ELMO1: variants seen among roughly 807,000 people sequenced by gnomAD.
ELMO1 encodes the protein engulfment and cell motility protein 1.
A neutral mutation model predicts 98.9 loss-of-function variants in ELMO1; 26 were observed. That is an observed-to-expected ratio of 0.26 (90% CI 0.19 to 0.36). ELMO1 has a LOEUF of 0.36. Ranked by LOEUF, ELMO1 falls within the 10% of genes least tolerant of loss-of-function variation. ELMO1 has a pLI of 1.00. For synonymous variants in ELMO1, 346 were observed against 346.0 expected, an observed-to-expected ratio of 1.00 and a Z score of 0.00; for missense variants, 627 against 935.2, an observed-to-expected ratio of 0.67 and a Z score of 4.30.
At chr7:37,403,515 C>G (rs562972541) in intron 1 of ELMO1, among the ~76,000 whole-genome samples, 86 of 152,200 alleles carry the variant, frequency 5.7e-4, no homozygotes, top group Middle Eastern at 3.4e-3. Context: ...GTAACAGTAG[C>G]TACATGACAC....
At chr7:36,859,428 G>A (rs868632752) in intron 21 of ELMO1, among the ~76,000 whole-genome samples, 3 of 152,194 alleles carry the variant, frequency 2.0e-5, no homozygotes, top group Non-Finnish European at 2.9e-5. Context: ...GCTGGGTGAT[G>A]GTGGAAGAGT....
intron 14 of ELMO1, among the ~76,000 whole-genome samples, chr7:37,101,246 A>G (rs1025742796): frequency 2.6e-5 from 4 of 152,216 alleles, no homozygotes; most frequent in Non-Finnish European, 4.4e-5. Context: ...AGAATGCAAG[A>G]TAAAAAGTCC....
At chr7:36,981,336 A>G (rs568279730) in intron 16 of ELMO1, among the ~76,000 whole-genome samples, 1 of 152,000 alleles carries the variant, frequency 6.6e-6, no homozygotes, top group African/African-American at 2.4e-5. Context: ...GAAGAGACTG[A>G]TTACTTTTTC....
chr7:36,944,521 T>C (rs187344292), intron 16 of ELMO1, among the ~76,000 whole-genome samples: 141 of 152,354 alleles, frequency 9.3e-4, no homozygotes, highest in African/African-American at 3.2e-3. Flanking sequence ...TAGCAAAAGA[T>C]GATTCATTAT....
At chr7:37,223,767 C>T (rs1793721852) in intron 9 of ELMO1, among the ~76,000 whole-genome samples, 1 of 152,212 alleles carries the variant, frequency 6.6e-6, no homozygotes, top group African/African-American at 2.4e-5. Flanking sequence ...GAGGCCACCA[C>T]AATCCTCAGC....
Position 36,861,927 on chromosome 7 carries a change from G to A in ELMO1, c.1906-191C>T, listed in dbSNP as rs533315967. On this transcript the variant is annotated intron_variant, in intron 20 of 21. Coordinates refer to ENST00000310758, the MANE Select transcript of ELMO1 (RefSeq NM_014800.11). ...ATGATTCCTTCTCTCCATTCACGGC[G>A]GTCTGTGAACTATCTCATTTAATTC... 8.4e-5 allele frequency: 51 copies of A among 606,694 alleles called. 1 individual carries two copies. The highest frequency in any genetic ancestry group is 7.4e-4 in the South Asian group (38 of 51,376). The allele number at this position is 606,694 out of a possible 1,614,324, so 37.6% of individuals were successfully genotyped here.
chr7:37,343,992 T>C (rs983332856), intron 1 of ELMO1, among the ~76,000 whole-genome samples: 1 of 151,866 alleles, frequency 6.6e-6, no homozygotes, highest in Non-Finnish European at 1.5e-5. Flanking sequence ...AATACAAAAA[T>C]ACATTATTAC....
At chr7:37,229,723 G>A (rs1049076208) in intron 8 of ELMO1, among the ~76,000 whole-genome samples, 1 of 152,168 alleles carries the variant, frequency 6.6e-6, no homozygotes, top group Non-Finnish European at 1.5e-5. Flanking sequence ...AGAAAAGTAA[G>A]TAATTTTCTG....
chr7:36,922,563 C>T (rs1299712538), intron 16 of ELMO1, among the ~76,000 whole-genome samples: 1 of 151,826 alleles, frequency 6.6e-6, no homozygotes, highest in African/African-American at 2.4e-5. Flanking sequence ...AGAAACCTTC[C>T]CAAAGATGAC....
intron 6 of ELMO1, among the ~76,000 whole-genome samples, chr7:37,250,164 C>G (rs570396256): frequency 2.0e-5 from 3 of 152,284 alleles, no homozygotes; most frequent in African/African-American, 7.2e-5. Flanking sequence ...AAATAGTTCA[C>G]TGTACTATGC....
At chr7:36,999,036 G>A (rs1047090409) in intron 16 of ELMO1, among the ~76,000 whole-genome samples, 16 of 151,988 alleles carry the variant, frequency 1.1e-4, no homozygotes, top group Non-Finnish European at 1.9e-4. Context: ...AAATGATAAC[G>A]GACAGAGCCC....
chr7:37,337,067 T>G (rs181745035), intron 2 of ELMO1, among the ~76,000 whole-genome samples: 9 of 152,296 alleles, frequency 5.9e-5, no homozygotes, highest in Admixed American at 6.5e-5. Context: ...CCCAGAGGAT[T>G]ATAAATCATG....
chr7:37,120,587 C>T (rs988463662), intron 14 of ELMO1, among the ~76,000 whole-genome samples: 6 of 152,198 alleles, frequency 3.9e-5, no homozygotes, highest in Non-Finnish European at 7.3e-5. Flanking sequence ...GAGGGGCACC[C>T]GCCATTGCTG....
At chr7:36,886,844 A>G (rs1805050921) in intron 18 of ELMO1, among the ~76,000 whole-genome samples, 1 of 152,252 alleles carries the variant, frequency 6.6e-6, no homozygotes, top group African/African-American at 2.4e-5. Flanking sequence ...CAATTCAGAA[A>G]TCTGCCTTGA....
At chr7:36,929,867 A>C (rs996868564) in intron 16 of ELMO1, among the ~76,000 whole-genome samples, 8 of 152,216 alleles carry the variant, frequency 5.3e-5, no homozygotes, top group African/African-American at 1.9e-4. Flanking sequence ...TTACTCCCAA[A>C]GTATAAGTAA....
chr7:36,899,124 T>C (rs1043110081), intron 16 of ELMO1, among the ~76,000 whole-genome samples: 1 of 152,018 alleles, frequency 6.6e-6, no homozygotes, highest in Non-Finnish European at 1.5e-5. Flanking sequence ...TCTTGTTTAG[T>C]TGGAGAAATG....
intron 13 of ELMO1, among the ~76,000 whole-genome samples, chr7:37,149,199 T>G (rs1377605540): frequency 6.6e-6 from 1 of 152,202 alleles, no homozygotes; most frequent in South Asian, 2.1e-4. Context: ...GGCCCTAGCA[T>G]AGGGCTGCAG....
intron 16 of ELMO1, among the ~76,000 whole-genome samples, chr7:36,998,726 G>C (rs945850953): frequency 6.6e-6 from 1 of 151,932 alleles, no homozygotes; most frequent in African/African-American, 2.4e-5. Flanking sequence ...GACTTTTGTG[G>C]CTAAAGAGGT....
chr7:37,220,963 G>C (rs1037348538), intron 10 of ELMO1, among the ~76,000 whole-genome samples: 1 of 152,174 alleles, frequency 6.6e-6, no homozygotes, highest in Non-Finnish European at 1.5e-5. Context: ...AGTCAAGCTT[G>C]GGTATGTACA....
Sources: gnomAD v4.1 joint callset for allele counts (sites outside exome capture counted in the v4.1 genomes callset) on GRCh38, gnomAD v4.1.1 for gene constraint, MANE v1.5 for transcripts, NCBI Gene and HGNC (gene_info 2026-07-23, HGNC 2026-07-21) for gene names.